The following AAK1 variants were observed in gnomAD, a reference collection of about 807,000 sequenced individuals.
AAK1 encodes AP2 associated kinase 1, also known as AP2-associated protein kinase 1.
In AAK1, 37 loss-of-function variants were observed where a neutral mutation model predicts 116.0. The ratio of observed to expected loss-of-function variants is 0.32; its 90% CI spans 0.25 to 0.42. The LOEUF (loss-of-function observed/expected upper bound fraction) is 0.42, where lower values mean the gene tolerates loss of function less well. Among genes scored for constraint, AAK1 ranks in the 10% least tolerant of loss-of-function variants. The pLI is 1.00. For missense variants in AAK1, 919 were observed against 1,170.6 expected, an observed-to-expected ratio of 0.79 and a Z score of 3.14; for synonymous variants, 458 against 439.9, an observed-to-expected ratio of 1.04 and a Z score of -0.51.
At chr2:69,603,509 C>A (rs895530507) in intron 2 of AAK1, among the ~76,000 whole-genome samples, 2 of 152,266 alleles carry the variant, frequency 1.3e-5, no homozygotes, top group Non-Finnish European at 1.5e-5. Flanking sequence ...CCCCCTCCTG[C>A]CTAACCAGCC....
intron 10 of AAK1, among the ~76,000 whole-genome samples, chr2:69,522,225 T>C (rs571414813): frequency 6.6e-6 from 1 of 152,256 alleles, no homozygotes; most frequent in South Asian, 2.1e-4. Context: ...ATTAATAAGT[T>C]TCAAGAATAT....
At chr2:69,542,328 G>A (rs1670756242) in intron 5 of AAK1, among the ~76,000 whole-genome samples, 195 bp downstream of exon 5, 1 of 152,124 alleles carries the variant, frequency 6.6e-6, no homozygotes, top group South Asian at 2.1e-4. Context: ...AATTTCTGGA[G>A]GCTGCTTAAG....
intron 2 of AAK1, among the ~76,000 whole-genome samples, chr2:69,577,406 A>G (rs1672357144): frequency 6.6e-6 from 1 of 152,130 alleles, no homozygotes; most frequent in Non-Finnish European, 1.5e-5. Context: ...CACGTACTTA[A>G]GAGGGGGCAG....
At chr2:69,544,360 G>T in intron 4 of AAK1, 76 bp downstream of exon 4, 1 of 1,192,998 alleles carries the variant, frequency 8.4e-7, no homozygotes, top group Non-Finnish European at 1.2e-6. Flanking sequence ...TGCACATTAA[G>T]TGAAATGACC....
rs1282849266 is a variant in AAK1 at position 69,458,150 on chromosome 2, G to C, written c.*17719C>G. On this transcript the variant is annotated 3_prime_UTR_variant, in exon 22 of 22. Transcript: ENST00000409085. ...TAAGAGGTATTGCAAAAATTGTTAAGATTGACTTTCATGTTTCCCCCCCTC... is the reference window on the plus strand; with the variant it reads ...TAAGAGGTATTGCAAAAATTGTTAACATTGACTTTCATGTTTCCCCCCCTC... 1 of 151,728 alleles carries C rather than the reference G, an allele frequency of 6.6e-6. No homozygotes were observed. The highest frequency in any genetic ancestry group is 1.5e-5 in the Non-Finnish European group (1 of 68,002). The allele number at this position is 151,728 out of a possible 1,614,324, so 9.4% of individuals were successfully genotyped here.
At position 69,470,958 on chromosome 2, in the gene AAK1, T is replaced by C; in HGVS notation, c.*4911A>G. The C allele has an allele frequency of 2.0e-6, 2 of 985,882 alleles. No individual in the cohort carries two copies. The highest frequency in any genetic ancestry group is 2.4e-6 in the Non-Finnish European group (2 of 829,932). 61.1% of individuals were successfully genotyped at this position (985,882 alleles called of 1,614,324 possible). A position where few individuals can be genotyped will look rare whatever the true frequency, so the allele number is the denominator to read the frequency against. On this transcript the variant is annotated 3_prime_UTR_variant, in exon 22 of 22. Coordinates refer to ENST00000409085, the MANE Select transcript of AAK1 (RefSeq NM_014911.5). ...ATAAAAGTCTTTATTCCCCTGTATG[T>C]TTACATAAGAAAGTTCTTTACAGAC... is the stretch of plus-strand genomic sequence containing the variant.
intron 3 of AAK1, among the ~76,000 whole-genome samples, chr2:69,548,167 G>A (rs1175961786): frequency 1.3e-5 from 2 of 152,184 alleles, no homozygotes; most frequent in Non-Finnish European, 2.9e-5. Context: ...TTAGATAGTG[G>A]TGATGGTTGC....
At chr2:69,517,352 C>T (rs930565244) in intron 12 of AAK1, among the ~76,000 whole-genome samples, 2 of 152,108 alleles carry the variant, frequency 1.3e-5, no homozygotes, top group Non-Finnish European at 2.9e-5. Flanking sequence ...TGTGCCATCC[C>T]TGATGAATTA....
intron 2 of AAK1, among the ~76,000 whole-genome samples, chr2:69,634,240 G>A (rs1675350678): frequency 6.6e-6 from 1 of 152,176 alleles, no homozygotes; most frequent in African/African-American, 2.4e-5. Flanking sequence ...GAATTTTAAG[G>A]AAGAATCCTA....
At chr2:69,505,285 C>T (rs940861341) in intron 16 of AAK1, among the ~76,000 whole-genome samples, 2 of 152,108 alleles carry the variant, frequency 1.3e-5, no homozygotes, top group South Asian at 2.1e-4. Context: ...TTGTTTAAGA[C>T]GTGCCTGTGG....
At chr2:69,587,164 A>G (rs1011848125) in intron 2 of AAK1, among the ~76,000 whole-genome samples, 2 of 151,348 alleles carry the variant, frequency 1.3e-5, no homozygotes, top group African/African-American at 4.9e-5. Flanking sequence ...AGCTCGCTGC[A>G]GCCTCGACCT....
chr2:69,622,436 C>G (rs1366928877), intron 2 of AAK1, among the ~76,000 whole-genome samples: 1 of 152,208 alleles, frequency 6.6e-6, no homozygotes, highest in East Asian at 1.9e-4. Flanking sequence ...GTGCACGGCA[C>G]GGGACCGGCA....
intron 15 of AAK1, among the ~76,000 whole-genome samples, chr2:69,506,068 A>G (rs915110126): frequency 6.6e-6 from 1 of 152,158 alleles, no homozygotes; most frequent in Non-Finnish European, 1.5e-5. Context: ...GCAGTTTAGG[A>G]GAGCAAATGA....
intron 7 of AAK1, among the ~76,000 whole-genome samples, 151 bp from the exon 8 acceptor site, chr2:69,530,291 C>T (rs1670198472): frequency 6.6e-6 from 1 of 152,194 alleles, no homozygotes; most frequent in African/African-American, 2.4e-5. Flanking sequence ...TAGAACCCAA[C>T]ACCACTGTTA....
At chr2:69,548,308 C>T (rs1300462277) in intron 3 of AAK1, among the ~76,000 whole-genome samples, 1 of 132,900 alleles carries the variant, frequency 7.5e-6, no homozygotes, top group Non-Finnish European at 1.5e-5. Flanking sequence ...AGTCAACACA[C>T]AGGAGGAGAA....
intron 4 of AAK1, 134 bp downstream of exon 4, chr2:69,544,302 T>C: frequency 1.5e-6 from 1 of 647,214 alleles, no homozygotes; most frequent in Non-Finnish European, 2.7e-6. Flanking sequence ...GCAGACTGTA[T>C]CTTTTAGTTT....
intron 4 of AAK1, chr2:69,544,195 C>T (rs1670834327): frequency 4.6e-6 from 2 of 436,676 alleles, no homozygotes; most frequent in African/African-American, 3.9e-5. Context: ...TACACATCTT[C>T]ATTTATATAC....
At chr2:69,629,982 G>A (rs1238038104) in intron 2 of AAK1, among the ~76,000 whole-genome samples, 2 of 152,148 alleles carry the variant, frequency 1.3e-5, no homozygotes, top group Non-Finnish European at 2.9e-5. Flanking sequence ...TAAGGTAGGC[G>A]GGTGGGGAAG....
Position 69,465,716 on chromosome 2 carries a change from A to G in AAK1, c.*10153T>C. On this transcript the variant is annotated 3_prime_UTR_variant, in exon 22 of 22. Coordinates refer to ENST00000409085, the MANE Select transcript of AAK1 (RefSeq NM_014911.5). ...GGAGCTGAGGTCCTTTGTTTCTGTC[A>G]TTAGAATGACCCCCAGATTCCAGGC... 2 of 1,290,896 alleles carry G rather than the reference A, an allele frequency of 1.5e-6. No individual in the cohort carries two copies. The highest frequency in any genetic ancestry group is 2.0e-6 in the Non-Finnish European group (2 of 988,878). The allele number at this position is 1,290,896 out of a possible 1,614,324, so 80.0% of individuals were successfully genotyped here.
Sources: allele counts gnomAD v4.1 joint callset (sites outside exome capture counted in the v4.1 genomes callset), GRCh38; gene constraint gnomAD v4.1.1; transcripts MANE v1.5; gene names NCBI Gene and HGNC (gene_info 2026-07-23, HGNC 2026-07-21).